Variants in SOS1 observed in about 807,000 individuals in gnomAD.
SOS1 encodes the protein son of sevenless homolog 1.
In SOS1, 25 loss-of-function variants were observed where a neutral mutation model predicts 157.6. That is an observed-to-expected ratio of 0.16 (90% confidence interval 0.12 to 0.22). SOS1 has a LOEUF of 0.22. SOS1 is among the 10% of genes least tolerant of loss of function. SOS1 has a pLI of 1.00. For missense variants in SOS1, 1,237 were observed against 1,599.1 expected, an observed-to-expected ratio of 0.77 and a Z score of 3.86; for synonymous variants, 528 against 534.0, an observed-to-expected ratio of 0.99 and a Z score of 0.16.
intron 1 of SOS1, among the ~76,000 whole-genome samples, chr2:39,075,191 C>G (rs1029568175): frequency 6.6e-6 from 1 of 152,000 alleles, no homozygotes; most frequent in Non-Finnish European, 1.5e-5. Flanking sequence ...AGACCTGGAC[C>G]GAGGCACAAA....
chr2:38,989,277 A>G lies in SOS1; in HGVS notation c.3384T>C (p.His1128=), dbSNP rs1412775460. ...DTVFIQVTLP[H]GPRSASVSSI... ...TAAACCAAATATACTAACTTGGGCC[A>G]TGGGGCAGAGTAACTTGGATAAAGA... Residue 1128 remains histidine, a synonymous_variant, in exon 21 of 23, where the codon CAT becomes CAC. Coordinates refer to ENST00000402219, the MANE Select transcript of SOS1 (RefSeq NM_005633.4). The G allele has an allele frequency of 1.4e-5, 22 of 1,602,870 alleles. No homozygotes were observed. In the East Asian group the frequency reaches 3.4e-4, roughly 24 times the overall value.
Position 39,120,346 on chromosome 2 carries a change from G to A in SOS1, c.77C>T (p.Ala26Val). Residue 26 changes from alanine (A) to valine (V), a missense_variant, in exon 1 of 23, where the codon GCG becomes GTG. Ala to Val is a moderately conservative substitution (Grantham distance 64, BLOSUM62 0). Around this residue, in one of 15 missense-constraint regions of SOS1, gnomAD observed 99 missense variants for 81.6 expected, o/e 1.21. Coordinates refer to ENST00000402219, the MANE Select transcript of SOS1 (RefSeq NM_005633.4). ...CCGCGTGCTCCTCACCTTTTTCAGC[G>A]CAGGCACCAGTAGTCCCCGCCACTT... Reference protein sequence around the residue: ...APKWRGLLVPALKKVQGQVHP... With the variant: ...APKWRGLLVPVLKKVQGQVHP... 6.3e-7 allele frequency: 1 copy of A among 1,586,896 alleles called. No homozygotes were observed. Among genetic ancestry groups the A allele is most frequent in the Non-Finnish European group, 8.6e-7 (1 of 1,167,436 alleles).
In SOS1 at chr2:39,068,541, G is replaced by T. The variant is rs1255303964; in HGVS notation, c.88-788C>A. On this transcript the variant is annotated intron_variant, in intron 1 of 22. Coordinates refer to ENST00000402219, the MANE Select transcript of SOS1 (RefSeq NM_005633.4). ...TATCTATGGCAGCAAGCACTGTGCAGGCACGCATATTACAAGCTTGATAAA... is the reference window on the plus strand; with the variant it reads ...TATCTATGGCAGCAAGCACTGTGCATGCACGCATATTACAAGCTTGATAAA... Among the ~76,000 whole-genome samples, 5 of 152,294 alleles carry T rather than the reference G, an allele frequency of 3.3e-5. No individual in the cohort carries two copies. In the East Asian group the frequency reaches 9.6e-4, roughly 29 times the overall value.
At chr2:39,028,272 G>A (rs1228265872) in intron 8 of SOS1, among the ~76,000 whole-genome samples, 1 of 152,092 alleles carries the variant, frequency 6.6e-6, no homozygotes, top group Admixed American at 6.5e-5. Context: ...ATATGCAAAG[G>A]AAACCCTGGG....
At chr2:39,123,660 G>A (rs1208744032), upstream of SOS1, among the ~76,000 whole-genome samples, 2 of 152,098 alleles carry the variant, frequency 1.3e-5, no homozygotes, top group Non-Finnish European at 2.9e-5. Context: ...GCCCGGCCGA[G>A]ATCAACAATC....
At chr2:39,003,000 G>A (rs1486313570) in intron 17 of SOS1, among the ~76,000 whole-genome samples, 3 of 150,046 alleles carry the variant, frequency 2.0e-5, no homozygotes, top group Non-Finnish European at 4.4e-5. Context: ...ATGAGGTGGA[G>A]GATGCAGTGA....
chr2:39,004,498 T>C (rs1353490932), intron 17 of SOS1, among the ~76,000 whole-genome samples: 1 of 151,166 alleles, frequency 6.6e-6, no homozygotes, highest in Non-Finnish European at 1.5e-5. Context: ...ATAAATAATT[T>C]GGGTGGGGAA....
At chr2:39,048,738 C>T (rs1449930152) in intron 6 of SOS1, among the ~76,000 whole-genome samples, 2 of 152,084 alleles carry the variant, frequency 1.3e-5, no homozygotes, top group Admixed American at 6.5e-5. Flanking sequence ...TCTATAGTTT[C>T]ACTGCCATGT....
chr2:39,078,161 A>C (rs1390400758), intron 1 of SOS1, among the ~76,000 whole-genome samples: 1 of 152,218 alleles, frequency 6.6e-6, no homozygotes, highest in Non-Finnish European at 1.5e-5. Context: ...TAAATATTAG[A>C]AAGGTGCTCA....
At position 39,012,201 on chromosome 2, in the gene SOS1, T is replaced by G; in HGVS notation, c.2315A>C (p.Glu772Ala). ...EWHISRPGHI[E>A]TFDLLTLHPI... Reference sequence around the variant, plus strand: ...GTGTAAGGTGAGCAGGTCAAAAGTCTCTATGTGCCCAGGTCTGCTTATATG... The same window carrying G: ...GTGTAAGGTGAGCAGGTCAAAAGTCGCTATGTGCCCAGGTCTGCTTATATG... Residue 772 changes from glutamate (E) to alanine (A), a missense_variant, in exon 14 of 23, where the codon GAG becomes GCG. By Grantham distance (107) the Glu-to-Ala change is moderately radical. Coordinates refer to ENST00000402219, the MANE Select transcript of SOS1 (RefSeq NM_005633.4). The G allele has an allele frequency of 6.2e-7, 1 of 1,613,800 alleles. No homozygotes were observed. The highest frequency in any genetic ancestry group is 1.1e-5 in the South Asian group (1 of 91,084).
At chr2:39,020,543 A>C (rs1216067312) in intron 10 of SOS1, among the ~76,000 whole-genome samples, 1 of 151,754 alleles carries the variant, frequency 6.6e-6, no homozygotes. Flanking sequence ...TAACCAAATC[A>C]CAAATCCCTT....
At chr2:39,026,820 G>A (rs940724306) in intron 8 of SOS1, among the ~76,000 whole-genome samples, 1 of 152,012 alleles carries the variant, frequency 6.6e-6, no homozygotes, top group African/African-American at 2.4e-5. Flanking sequence ...TATTATCTTG[G>A]GCCACACATA....
At chr2:39,015,351 A>G (rs1669596768) in intron 10 of SOS1, among the ~76,000 whole-genome samples, 1 of 152,060 alleles carries the variant, frequency 6.6e-6, no homozygotes, top group South Asian at 2.1e-4. Context: ...AAAGTTAAAT[A>G]CAGTTTTTAA....
chr2:39,034,344 C>T lies in SOS1; in HGVS notation c.1074+868G>A, dbSNP rs116074730. 7.2e-3 allele frequency among the ~76,000 whole-genome samples: 1,095 copies of T among 152,252 alleles called. 13 individuals carry two copies. The highest frequency in any genetic ancestry group is 0.024 in the African/African-American group (1,001 of 41,550). ...TCATTCATTGATTCATTACAGAGAG[C>T]CCATTTTATCATCTGCAAACTATAA... On this transcript the variant is annotated intron_variant, in intron 8 of 22. Transcript: ENST00000402219.
At chr2:39,109,185 C>T (rs763440775) in intron 1 of SOS1, among the ~76,000 whole-genome samples, 1 of 151,870 alleles carries the variant, frequency 6.6e-6, no homozygotes, top group African/African-American at 2.4e-5. Context: ...GATGACAGAG[C>T]GAGAACTTGT....
At chr2:39,046,369 A>G (rs1670783479) in intron 6 of SOS1, among the ~76,000 whole-genome samples, 1 of 152,174 alleles carries the variant, frequency 6.6e-6, no homozygotes, top group Non-Finnish European at 1.5e-5. Flanking sequence ...ACTAATACAT[A>G]GAAATATAGT....
chr2:39,052,939 G>A (rs1476989072), intron 5 of SOS1, among the ~76,000 whole-genome samples: 4 of 152,124 alleles, frequency 2.6e-5, no homozygotes, highest in African/African-American at 9.7e-5. Flanking sequence ...GATCACTTGA[G>A]GTCAGGAGTT....
intron 1 of SOS1, among the ~76,000 whole-genome samples, chr2:39,113,249 A>T (rs1673508156): frequency 6.6e-6 from 1 of 152,030 alleles, no homozygotes; most frequent in Non-Finnish European, 1.5e-5. Context: ...GGAGTGCAGT[A>T]GCCCAATCAT....
At chr2:39,065,801 C>T (rs1671570148) in intron 2 of SOS1, among the ~76,000 whole-genome samples, 1 of 152,144 alleles carries the variant, frequency 6.6e-6, no homozygotes, top group African/African-American at 2.4e-5. Context: ...TGAGTGTCTT[C>T]TCTGTGCCAG....
Sources: gnomAD v4.1 joint callset for allele counts (sites outside exome capture counted in the v4.1 genomes callset) on GRCh38, gnomAD v4.1.1 for gene constraint, gnomAD v4.1.1 regional missense constraint, MANE v1.5 for transcripts, NCBI Gene and HGNC (gene_info 2026-07-23, HGNC 2026-07-21) for gene names.